The following DOCK5 variants were observed in gnomAD, a reference collection of about 807,000 sequenced individuals.
DOCK5 encodes dedicator of cytokinesis 5.
DOCK5 carries 142 observed loss-of-function variants against 251.8 expected under a neutral mutation model. The observed-to-expected ratio is 0.56, with a 90% confidence interval of 0.49 to 0.65. The LOEUF (loss-of-function observed/expected upper bound fraction) is 0.65, where lower values mean the gene tolerates loss of function less well. Among genes scored for constraint, DOCK5 ranks in the 30% least tolerant of loss-of-function variants. DOCK5 has a pLI of 0.00. For synonymous variants in DOCK5, 842 were observed against 835.5 expected, an observed-to-expected ratio of 1.01 and a Z score of -0.13; for missense variants, 2,111 against 2,312.3, an observed-to-expected ratio of 0.91 and a Z score of 1.79.
At chr8:25,223,489 A>G (rs1352595746) in intron 1 of DOCK5, among the ~76,000 whole-genome samples, 3 of 151,644 alleles carry the variant, frequency 2.0e-5, no homozygotes, top group African/African-American at 7.3e-5. Context: ...TAATTTTTAA[A>G]TTATTTGTAG....
At chr8:25,278,944 C>G (rs1487007959) in intron 5 of DOCK5, among the ~76,000 whole-genome samples, 1 of 152,238 alleles carries the variant, frequency 6.6e-6, no homozygotes, top group African/African-American at 2.4e-5. Flanking sequence ...ACTGCAAACA[C>G]TTCTGCAGTC....
chr8:25,394,789 C>T (rs1801317768), intron 44 of DOCK5, among the ~76,000 whole-genome samples: 1 of 152,154 alleles, frequency 6.6e-6, no homozygotes, highest in Non-Finnish European at 1.5e-5. Context: ...AGTCATCATT[C>T]TACTTTGTAA....
At chr8:25,282,800 T>A (rs954356703) in intron 5 of DOCK5, among the ~76,000 whole-genome samples, 9 of 121,654 alleles carry the variant, frequency 7.4e-5, no homozygotes, top group Non-Finnish European at 1.4e-4. Context: ...CAGTGAGCCA[T>A]GATTATACCA....
chr8:25,292,170 CAGGT>C lies in DOCK5; in HGVS notation c.470+4_470+7del. 1 of 1,569,502 alleles carries C rather than the reference CAGGT, an allele frequency of 6.4e-7. No homozygotes were observed. On this transcript the variant is annotated splice_donor_variant and coding_sequence_variant, in exon 6 of 52. Coordinates refer to ENST00000276440, the MANE Select transcript of DOCK5 (RefSeq NM_024940.8). LOFTEE classifies it high-confidence loss of function. ...TCACAGCCAAAATTGATCATGGGAA[CAGGT>C]AGGTAAACCAGGGATGGCTTTTCAC...
chr8:25,397,912 C>T (rs1233176367), intron 45 of DOCK5, among the ~76,000 whole-genome samples: 1 of 152,180 alleles, frequency 6.6e-6, no homozygotes, highest in Non-Finnish European at 1.5e-5. Flanking sequence ...ATATGTATGA[C>T]TGCACATTTC....
intron 34 of DOCK5, 150 bp from the exon 35 acceptor site, chr8:25,372,409 G>T: frequency 1.5e-6 from 1 of 689,076 alleles, no homozygotes. Context: ...TGTGTGTGTC[G>T]GCTTAACTGT....
intron 22 of DOCK5, 98 bp downstream of exon 22, chr8:25,336,471 T>A: frequency 6.9e-7 from 1 of 1,440,796 alleles, no homozygotes; most frequent in Non-Finnish European, 9.4e-7. Context: ...TGTGAGCAGT[T>A]AGTTCTTAGA....
chr8:25,372,782 C>G, intron 35 of DOCK5, 64 bp downstream of exon 35: 1 of 1,508,414 alleles, frequency 6.6e-7, no homozygotes, highest in Non-Finnish European at 8.9e-7. Context: ...CCCTACAGCT[C>G]AGCTCTAGGT....
chr8:25,410,970 TGTGC>T (rs1179105404), intron 51 of DOCK5, among the ~76,000 whole-genome samples: 9 of 18,610 alleles, frequency 4.8e-4, no homozygotes, highest in African/African-American at 1.5e-3. Context: ...TGTGTGTGTG[TGTGC>T]GCGCGCGCGC....
At chr8:25,278,331 G>A (rs900695713) in intron 4 of DOCK5, among the ~76,000 whole-genome samples, 2 of 152,182 alleles carry the variant, frequency 1.3e-5, no homozygotes, top group African/African-American at 2.4e-5. Flanking sequence ...TGGGGAGGTC[G>A]AGGCTGGGCC....
intron 35 of DOCK5, 26 bp downstream of exon 35, chr8:25,372,744 G>A (rs758982687): frequency 2.5e-6 from 4 of 1,601,140 alleles, no homozygotes; most frequent in Admixed American, 3.5e-5. Context: ...CCGGTGTGAT[G>A]GGAGGGTACT....
At chr8:25,340,083 C>T (rs1805915617) in intron 22 of DOCK5, among the ~76,000 whole-genome samples, 2 of 152,044 alleles carry the variant, frequency 1.3e-5, no homozygotes, top group South Asian at 2.1e-4. Context: ...GATCTAGGTT[C>T]GAGGTGATGC....
intron 6 of DOCK5, among the ~76,000 whole-genome samples, chr8:25,294,541 C>T (rs192324868): frequency 1.3e-5 from 2 of 152,234 alleles, no homozygotes; most frequent in East Asian, 3.9e-4. Context: ...GCACTTTGGG[C>T]ACAAAAGCCT....
chr8:25,321,975 CTCTT>C (rs1275649867), intron 16 of DOCK5, among the ~76,000 whole-genome samples: 2 of 152,296 alleles, frequency 1.3e-5, no homozygotes, highest in South Asian at 2.1e-4. Context: ...CATGAAAAAA[CTCTT>C]TCAAGTCTTA....
chr8:25,405,386 C>G (rs190243205), intron 48 of DOCK5, among the ~76,000 whole-genome samples: 1 of 151,594 alleles, frequency 6.6e-6, no homozygotes, highest in Admixed American at 6.6e-5. Context: ...TTCCAAATGG[C>G]TACTCAATTC....
intron 27 of DOCK5, among the ~76,000 whole-genome samples, chr8:25,356,176 G>C (rs1050887215): frequency 1.3e-5 from 2 of 152,054 alleles, no homozygotes; most frequent in African/African-American, 4.8e-5. Flanking sequence ...CTCCAGCCTG[G>C]TGACAGAGCG....
At chr8:25,342,344 T>C in intron 24 of DOCK5, 57 bp from the exon 25 acceptor site, 1 of 1,365,872 alleles carries the variant, frequency 7.3e-7, no homozygotes, top group Non-Finnish European at 1.0e-6. Flanking sequence ...AAGTTTATAA[T>C]GATGCCTTCA....
intron 2 of DOCK5, among the ~76,000 whole-genome samples, chr8:25,264,671 C>T (rs771536707): frequency 6.6e-6 from 1 of 151,556 alleles, no homozygotes; most frequent in African/African-American, 2.4e-5. Context: ...ACTTAAAATA[C>T]AAAAAATAAG....
chr8:25,359,860 G>A (rs1475325615), intron 28 of DOCK5, among the ~76,000 whole-genome samples: 1 of 152,226 alleles, frequency 6.6e-6, no homozygotes, highest in Non-Finnish European at 1.5e-5. Context: ...GTTTTAAGCA[G>A]GAAAATTGTT....
Sources: allele counts gnomAD v4.1 joint callset (sites outside exome capture counted in the v4.1 genomes callset), GRCh38; gene constraint gnomAD v4.1.1; transcripts MANE v1.5; gene names NCBI Gene and HGNC (gene_info 2026-07-23, HGNC 2026-07-21).